NLK: variants seen among roughly 807,000 people sequenced by gnomAD.
NLK encodes serine/threonine-protein kinase NLK.
Under a neutral mutation model 59.0 loss-of-function variants are expected in NLK, and 11 were observed. The ratio of observed to expected loss-of-function variants is 0.19; its 90% CI spans 0.12 to 0.31. The LOEUF is 0.31. Among genes scored for constraint, NLK ranks in the 10% least tolerant of loss-of-function variants. The pLI is 1.00. For missense variants in NLK, 410 were observed against 661.1 expected (o/e 0.62, Z 4.16); for synonymous variants, 235 against 235.9 (o/e 1.00, Z 0.03).
chr17:28,050,584 G>T (rs1264660099), intron 1 of NLK, among the ~76,000 whole-genome samples: 1 of 152,140 alleles, frequency 6.6e-6, no homozygotes, highest in African/African-American at 2.4e-5. Context: ...AAGTTTTTAA[G>T]TAAGAGAGAC....
At chr17:28,068,975 G>A (rs1835334121) in intron 1 of NLK, among the ~76,000 whole-genome samples, 2 of 152,230 alleles carry the variant, frequency 1.3e-5, no homozygotes, top group East Asian at 1.9e-4. Context: ...CACACACCTA[G>A]CCTTTTTTGA....
chr17:28,112,056 G>C (rs1169515984), intron 1 of NLK, among the ~76,000 whole-genome samples: 2 of 151,914 alleles, frequency 1.3e-5, no homozygotes, highest in African/African-American at 2.4e-5. Flanking sequence ...GAGATCTATG[G>C]AGAGTTCAGG....
chr17:28,094,222 G>A (rs1161511619), intron 1 of NLK, among the ~76,000 whole-genome samples: 1 of 152,162 alleles, frequency 6.6e-6, no homozygotes. Flanking sequence ...ATAGGGAATG[G>A]TTAGATTCTT....
chr17:28,144,012 A>C (rs34427843), intron 3 of NLK, among the ~76,000 whole-genome samples: 5 of 152,176 alleles, frequency 3.3e-5, no homozygotes, highest in African/African-American at 1.2e-4. Context: ...TAATGAATCA[A>C]CTTTATTTTT....
Position 28,194,829 on chromosome 17 carries a change from T to G in NLK, c.*193T>G. 2.5e-6 allele frequency: 1 copy of G among 401,144 alleles called. No individual in the cohort carries two copies. Among genetic ancestry groups the G allele is most frequent in the East Asian group, 3.6e-5 (1 of 27,946 alleles). 24.8% of individuals were successfully genotyped at this position (401,144 alleles called of 1,614,324 possible). On this transcript the variant is annotated 3_prime_UTR_variant, in exon 11 of 11. Coordinates refer to ENST00000407008, the MANE Select transcript of NLK (RefSeq NM_016231.5). ...TTTTAATCTTGTAAAGTGGTTGTGC[T>G]TTTAGAAGAAAAATATTTTACCCAG...
At chr17:28,048,919 C>G (rs1483537223) in intron 1 of NLK, 1 of 152,186 alleles carries the variant, frequency 6.6e-6, no homozygotes, top group Non-Finnish European at 1.5e-5. Context: ...CTGTTAGAAG[C>G]TCTTTAATTA....
At chr17:28,110,486 G>A (rs1248174966) in intron 1 of NLK, among the ~76,000 whole-genome samples, 1 of 147,622 alleles carries the variant, frequency 6.8e-6, no homozygotes, top group Non-Finnish European at 1.5e-5. Context: ...TGGGTTTTTT[G>A]GGTTTTTTTT....
At chr17:28,166,817 G>A (rs150924841) in intron 5 of NLK, among the ~76,000 whole-genome samples, 22 of 152,288 alleles carry the variant, frequency 1.4e-4, no homozygotes, top group African/African-American at 4.8e-4. Flanking sequence ...TTCTAAGTTT[G>A]TATAGAAGTT....
intron 1 of NLK, chr17:28,048,177 G>C (rs1347810335): frequency 1.1e-5 from 4 of 379,382 alleles, no homozygotes; most frequent in Admixed American, 4.5e-5. Context: ...TAGATAAAGA[G>C]TAGAGAATAA....
At chr17:28,114,107 C>T (rs1304233740) in intron 1 of NLK, among the ~76,000 whole-genome samples, 1 of 152,068 alleles carries the variant, frequency 6.6e-6, no homozygotes. Flanking sequence ...TTTGAATATA[C>T]TACAATTTGT....
At chr17:28,123,963 T>C (rs987608298) in intron 2 of NLK, among the ~76,000 whole-genome samples, 3 of 152,220 alleles carry the variant, frequency 2.0e-5, no homozygotes, top group Non-Finnish European at 2.9e-5. Context: ...CTCATGAGTC[T>C]GAGTGCTTAT....
chr17:28,168,097 G>T (rs917892672), intron 5 of NLK, among the ~76,000 whole-genome samples: 13 of 151,456 alleles, frequency 8.6e-5, no homozygotes, highest in African/African-American at 3.2e-4. Context: ...GGCCAAGGCA[G>T]ATGGATCACC....
At chr17:28,141,814 A>G (rs910233418) in intron 3 of NLK, among the ~76,000 whole-genome samples, 7 of 152,218 alleles carry the variant, frequency 4.6e-5, no homozygotes, top group Non-Finnish European at 1.0e-4. Flanking sequence ...AAATTGATAC[A>G]GTAAAATGTT....
At chr17:28,144,881 C>G (rs1186431841) in intron 3 of NLK, among the ~76,000 whole-genome samples, 1 of 152,134 alleles carries the variant, frequency 6.6e-6, no homozygotes, top group East Asian at 1.9e-4. Flanking sequence ...AGCTGAGTCT[C>G]CTGCTATCAA....
At chr17:28,164,260 C>CCAGCTAG (rs1908128195) in intron 5 of NLK, among the ~76,000 whole-genome samples, 10 of 151,560 alleles carry the variant, frequency 6.6e-5, no homozygotes, top group Admixed American at 6.6e-4. Context: ...GTTCCAGCTA[C>CCAGCTAG]TCAGAAGGCT....
intron 1 of NLK, among the ~76,000 whole-genome samples, chr17:28,086,087 A>T (rs1324126478): frequency 6.6e-6 from 1 of 152,200 alleles, no homozygotes; most frequent in Non-Finnish European, 1.5e-5. Flanking sequence ...CAAACCAGTA[A>T]TACTTTTAAA....
At chr17:28,130,025 C>T (rs1012137653) in intron 2 of NLK, among the ~76,000 whole-genome samples, 2 of 152,100 alleles carry the variant, frequency 1.3e-5, no homozygotes, top group South Asian at 2.1e-4. Context: ...AAAGACATAA[C>T]TTTAATTCAT....
At chr17:28,141,985 C>T (rs1481616268) in intron 3 of NLK, among the ~76,000 whole-genome samples, 1 of 152,202 alleles carries the variant, frequency 6.6e-6, no homozygotes, top group African/African-American at 2.4e-5. Context: ...AGATTAATCA[C>T]CAGTCTCTGC....
intron 3 of NLK, among the ~76,000 whole-genome samples, chr17:28,160,135 C>G (rs1269713129): frequency 6.6e-6 from 1 of 152,040 alleles, no homozygotes; most frequent in Non-Finnish European, 1.5e-5. Flanking sequence ...GCACTGGATC[C>G]GAGTATCCAC....
Sources: gnomAD v4.1 joint callset for allele counts (sites outside exome capture counted in the v4.1 genomes callset) on GRCh38, gnomAD v4.1.1 for gene constraint, MANE v1.5 for transcripts, NCBI Gene and HGNC (gene_info 2026-07-23, HGNC 2026-07-21) for gene names.